The following LRP1B variants were observed in gnomAD, a reference collection of about 807,000 sequenced individuals.
LRP1B encodes the protein LDL receptor related protein 1B.
A neutral mutation model predicts 556.6 loss-of-function variants in LRP1B; 217 were observed. The ratio of observed to expected loss-of-function variants is 0.39; its 90% CI spans 0.35 to 0.44. The LOEUF is 0.44. Among genes scored for constraint, LRP1B ranks in the 20% least tolerant of loss-of-function variants. The pLI is 1.00. For synonymous variants in LRP1B, 2,047 were observed against 1,865.8 expected (o/e 1.10, Z -2.50); for missense variants, 5,053 against 5,620.8 (o/e 0.90, Z 3.23).
At chr2:142,038,298 T>C (rs1249498992) in intron 1 of LRP1B, among the ~76,000 whole-genome samples, 3 of 151,572 alleles carry the variant, frequency 2.0e-5, no homozygotes, top group African/African-American at 7.3e-5. Context: ...CCCGATGTAA[T>C]TGGAGCCTTA....
chr2:141,148,269 A>T (rs1336761208), intron 7 of LRP1B, among the ~76,000 whole-genome samples: 1 of 152,208 alleles, frequency 6.6e-6, no homozygotes, highest in African/African-American at 2.4e-5. Context: ...ATTCAGATAC[A>T]TGCTGATCTT....
chr2:140,534,726 G>A (rs1690871058), intron 46 of LRP1B, among the ~76,000 whole-genome samples: 1 of 152,132 alleles, frequency 6.6e-6, no homozygotes, highest in Admixed American at 6.6e-5. Context: ...ATTTGGGGCA[G>A]AAGCTACCAC....
chr2:141,756,953 A>G (rs1336614009), intron 2 of LRP1B, among the ~76,000 whole-genome samples: 1 of 152,150 alleles, frequency 6.6e-6, no homozygotes, highest in Non-Finnish European at 1.5e-5. Context: ...CTATACACAC[A>G]TACACATATG....
chr2:140,977,543 A>G (rs1261490575), intron 18 of LRP1B, among the ~76,000 whole-genome samples: 1 of 152,184 alleles, frequency 6.6e-6, no homozygotes, highest in African/African-American at 2.4e-5. Flanking sequence ...TACACATGGT[A>G]CAAGGATCAG....
At chr2:141,639,697 C>A (rs1231974299) in intron 2 of LRP1B, among the ~76,000 whole-genome samples, 1 of 151,850 alleles carries the variant, frequency 6.6e-6, no homozygotes, top group Non-Finnish European at 1.5e-5. Context: ...ATTTTGTTTT[C>A]TTCATTAGCT....
Position 140,700,604 on chromosome 2 carries a change from T to A in LRP1B, c.6445A>T (p.Arg2149Trp), listed in dbSNP as rs781779397. Residue 2149 changes from arginine (R) to tryptophan (W), a missense_variant, in exon 41 of 91, where the codon AGG (arginine) becomes TGG (tryptophan). Arg to Trp is a moderately radical substitution (Grantham distance 101). This residue lies in a region of LRP1B where 3,619 missense variants were observed against 3,931.9 expected (regional missense o/e 0.92). Transcript: ENST00000389484. ...VREKGTNVCA[R>W]DNGGCKQLCL... ...AGTTGCTTACAGCCACCATTGTCCC[T>A]GGCACAAACATTGGTCCCTAATGAA... 4.3e-6 allele frequency: 7 copies of A among 1,613,376 alleles called. No individual in the cohort carries two copies. In the South Asian group the frequency reaches 7.7e-5, roughly 18 times the overall value.
At chr2:140,241,989 C>A (rs775861317) in intron 87 of LRP1B, among the ~76,000 whole-genome samples, 8 of 150,508 alleles carry the variant, frequency 5.3e-5, no homozygotes, top group Non-Finnish European at 8.9e-5. Context: ...TCTTTTTTTG[C>A]AACATGGTTC....
chr2:140,814,618 C>T (rs1182547771), intron 31 of LRP1B, among the ~76,000 whole-genome samples: 4 of 152,082 alleles, frequency 2.6e-5, no homozygotes, highest in African/African-American at 9.7e-5. Flanking sequence ...TTTACTTAGG[C>T]AGTTACAGAT....
At chr2:141,407,100 G>C (rs1393156868) in intron 3 of LRP1B, among the ~76,000 whole-genome samples, 1 of 150,338 alleles carries the variant, frequency 6.7e-6, no homozygotes, top group Non-Finnish European at 1.5e-5. Context: ...GCTTTTCCCA[G>C]AAGAAGCACA....
chr2:140,286,248 A>G (rs1399108858), intron 84 of LRP1B, among the ~76,000 whole-genome samples: 5 of 151,882 alleles, frequency 3.3e-5, no homozygotes. Context: ...TAAGCAAGTT[A>G]TAAATTTTTA....
intron 7 of LRP1B, among the ~76,000 whole-genome samples, chr2:141,183,092 G>A (rs1047293481): frequency 4.0e-5 from 6 of 151,822 alleles, no homozygotes; most frequent in Non-Finnish European, 8.8e-5. Flanking sequence ...TGGGGGTGGG[G>A]GAGCAATCTC....
chr2:141,954,466 C>T (rs772722337), intron 1 of LRP1B, among the ~76,000 whole-genome samples: 1 of 152,056 alleles, frequency 6.6e-6, no homozygotes, highest in Non-Finnish European at 1.5e-5. Context: ...CTGCCTCTGC[C>T]ACTTACTAGT....
At chr2:140,318,522 T>A (rs964330013) in intron 82 of LRP1B, among the ~76,000 whole-genome samples, 2 of 152,136 alleles carry the variant, frequency 1.3e-5, no homozygotes, top group Admixed American at 1.3e-4. Context: ...CTTGTTTCAT[T>A]TTCTTACCTA....
chr2:140,347,294 C>G (rs1036456253), intron 77 of LRP1B, among the ~76,000 whole-genome samples: 2 of 149,320 alleles, frequency 1.3e-5, no homozygotes, highest in African/African-American at 4.9e-5. Context: ...ATTTCTTAAA[C>G]GAAAAAAAAA....
At chr2:140,471,450 T>G (rs1364830948) in intron 60 of LRP1B, among the ~76,000 whole-genome samples, 1 of 152,182 alleles carries the variant, frequency 6.6e-6, no homozygotes, top group Non-Finnish European at 1.5e-5. Context: ...TATGCAAAAC[T>G]AATAAGTCAT....
chr2:140,405,839 C>A (rs754310182), intron 66 of LRP1B, among the ~76,000 whole-genome samples: 1 of 152,096 alleles, frequency 6.6e-6, no homozygotes, highest in Non-Finnish European at 1.5e-5. Flanking sequence ...CTTCCTAAAT[C>A]ATTCTATGAA....
intron 86 of LRP1B, among the ~76,000 whole-genome samples, chr2:140,256,288 A>C (rs532627011): frequency 6.6e-6 from 1 of 151,972 alleles, no homozygotes; most frequent in Admixed American, 6.6e-5. Flanking sequence ...CTCATTTCTC[A>C]TAACAAGGGA....
chr2:142,101,467 G>A (rs921154946), intron 1 of LRP1B, among the ~76,000 whole-genome samples: 25 of 151,988 alleles, frequency 1.6e-4, no homozygotes, highest in Admixed American at 1.6e-3. Context: ...GACATATTTT[G>A]CATATGTTAG....
chr2:141,135,604 A>G (rs1334152200), intron 7 of LRP1B, among the ~76,000 whole-genome samples: 1 of 151,982 alleles, frequency 6.6e-6, no homozygotes, highest in African/African-American at 2.4e-5. Context: ...ATCTAGTTTA[A>G]TGAATTTCCT....
Sources: gnomAD v4.1 joint callset for allele counts (sites outside exome capture counted in the v4.1 genomes callset) on GRCh38, gnomAD v4.1.1 for gene constraint, gnomAD v4.1.1 regional missense constraint, MANE v1.5 for transcripts, NCBI Gene and HGNC (gene_info 2026-07-23, HGNC 2026-07-21) for gene names.